Variants in ERC1 observed in about 807,000 individuals in gnomAD.
ERC1 encodes the protein ELKS/RAB6-interacting/CAST family member 1.
A neutral mutation model predicts 132.0 loss-of-function variants in ERC1; 56 were observed. The observed-to-expected ratio is 0.42, with a 90% CI of 0.34 to 0.53. The LOEUF is 0.53. ERC1 is among the 20% of genes least tolerant of loss of function. The probability of loss-of-function intolerance (pLI) is 0.03; values close to 1 mark genes in which losing one functional copy is unlikely to be tolerated. For synonymous variants in ERC1, 478 were observed against 476.1 expected (o/e 1.00, Z -0.05); for missense variants, 1,202 against 1,349.9 (o/e 0.89, Z 1.72).
chr12:1,425,925 G>A (rs918934882), intron 17 of ERC1, among the ~76,000 whole-genome samples: 3 of 152,136 alleles, frequency 2.0e-5, no homozygotes, highest in South Asian at 2.1e-4. Flanking sequence ...TGAAATGGAA[G>A]TGATGATAAC....
chr12:1,374,283 T>C (rs1232387128), intron 16 of ERC1, among the ~76,000 whole-genome samples: 4 of 152,202 alleles, frequency 2.6e-5, no homozygotes, highest in Admixed American at 2.0e-4. Context: ...CGTTCACATG[T>C]GATTCCTATT....
intron 13 of ERC1, among the ~76,000 whole-genome samples, chr12:1,247,475 A>G (rs1263526027): frequency 6.6e-6 from 1 of 152,212 alleles, no homozygotes; most frequent in African/African-American, 2.4e-5. Context: ...TTAATTCAGA[A>G]TAAAAGTTTT....
chr12:1,348,664 G>T (rs2084711439), intron 15 of ERC1, among the ~76,000 whole-genome samples: 2 of 151,184 alleles, frequency 1.3e-5, no homozygotes, highest in Non-Finnish European at 2.9e-5. Flanking sequence ...CTGCACTCCA[G>T]CCCAGGCAAC....
intron 2 of ERC1, among the ~76,000 whole-genome samples, chr12:1,039,401 G>A (rs949240972): frequency 6.6e-6 from 1 of 151,400 alleles, no homozygotes; most frequent in African/African-American, 2.4e-5. Flanking sequence ...ATGGTGGTAT[G>A]TGCCTGTAGC....
intron 13 of ERC1, among the ~76,000 whole-genome samples, chr12:1,247,632 T>C (rs1216240334): frequency 6.6e-6 from 1 of 152,240 alleles, no homozygotes; most frequent in African/African-American, 2.4e-5. Context: ...CAGGCATTTT[T>C]CCTGAATTTA....
Position 1,356,212 on chromosome 12 carries a change from AAGT to A in ERC1, c.2781-15620_2781-15618del, listed in dbSNP as rs1472849196. ...AAGTGAGACTGTCAAAAAAAAAAAA[AAGT>A]GTGTGTGTGTGTGTGTGTGTGTGTG... is the stretch of plus-strand genomic sequence containing the variant. On this transcript the variant is annotated intron_variant, in intron 15 of 18. Transcript: ENST00000360905. Among the ~76,000 whole-genome samples, 1,022 of 119,054 alleles carry A rather than the reference AAGT, an allele frequency of 8.6e-3. 16 individuals are homozygous for A. Among genetic ancestry groups the A allele is most frequent in the African/African-American group, 0.029 (882 of 30,174 alleles). 78.1% of individuals were successfully genotyped at this position (119,054 alleles called of 152,430 possible).
chr12:1,456,258 CA>C (rs1279019618), intron 18 of ERC1, among the ~76,000 whole-genome samples: 8 of 152,158 alleles, frequency 5.3e-5, no homozygotes. Flanking sequence ...ACCAACTGGC[CA>C]AAGTCAGATA....
chr12:1,346,948 C>CAAAAAAAAAAAAAAAAAAA (rs58842053), intron 15 of ERC1, among the ~76,000 whole-genome samples: 1 of 106,080 alleles, frequency 9.4e-6, no homozygotes, highest in African/African-American at 3.9e-5. Context: ...GACTCCGTCT[C>CAAAAAAAAAAAAAAAAAAA]AAAAAAAAAA....
rs2094338803 is a variant in ERC1 at position 1,493,584 on chromosome 12, G to A, written c.*3354G>A. On this transcript the variant is annotated 3_prime_UTR_variant, in exon 19 of 19. Coordinates refer to ENST00000360905, the MANE Select transcript of ERC1 (RefSeq NM_178040.4). ...ATATATATATATATATATATGGATG[G>A]GAATCACCAAATTCATCTCAGCTCT... 1.7e-5 allele frequency: 1 copy of A among 58,376 alleles called. No individual in the cohort carries two copies. The highest frequency in any genetic ancestry group is 3.5e-5 in the Non-Finnish European group (1 of 28,554). The allele number at this position is 58,376 out of a possible 1,614,324, so 3.6% of individuals were successfully genotyped here.
chr12:1,082,375 G>A (rs1181963842), intron 2 of ERC1, among the ~76,000 whole-genome samples: 1 of 151,516 alleles, frequency 6.6e-6, no homozygotes, highest in African/African-American at 2.4e-5. Flanking sequence ...TGGCCAGGCT[G>A]GTCTTGAACT....
chr12:1,317,696 C>A (rs2081861510), intron 15 of ERC1, among the ~76,000 whole-genome samples: 1 of 152,178 alleles, frequency 6.6e-6, no homozygotes, highest in South Asian at 2.1e-4. Flanking sequence ...CACTTTCACA[C>A]AACCAGAGCT....
intron 2 of ERC1, among the ~76,000 whole-genome samples, chr12:1,059,566 TG>T (rs1380265764): frequency 2.0e-5 from 3 of 152,206 alleles, no homozygotes; most frequent in African/African-American, 7.2e-5. Context: ...TTTTATCCAA[TG>T]TTTTTTTCTG....
Position 998,636 on chromosome 12 carries a change from C to T in ERC1, c.-157+7314C>T, listed in dbSNP as rs555516279. ...TATCACTTTTGTTGTATTCTGTTAT[C>T]AGCCAGTCACTAGGTCCAGTGCACT... On this transcript the variant is annotated intron_variant, in intron 1 of 18. Coordinates refer to ENST00000360905, the MANE Select transcript of ERC1 (RefSeq NM_178040.4). Among the ~76,000 whole-genome samples the T allele has an allele frequency of 2.0e-5, 3 of 152,284 alleles. No homozygotes were observed. The South Asian group carries it at 6.2e-4, about 32-fold the overall frequency.
At chr12:1,420,228 A>G (rs941755925) in intron 17 of ERC1, among the ~76,000 whole-genome samples, 2 of 152,168 alleles carry the variant, frequency 1.3e-5, no homozygotes, top group African/African-American at 4.8e-5. Flanking sequence ...AAGACTGAAT[A>G]TTTAGGCAAC....
Position 1,214,664 on chromosome 12 carries a change from A to G in ERC1, c.2352-22105A>G, listed in dbSNP as rs1464218122. On this transcript the variant is annotated intron_variant, in intron 12 of 18. Transcript: ENST00000360905. The stretch of plus-strand genomic sequence containing the variant: ...AACATAAATATGCGTGTGTGTATAC[A>G]TACACACACACACACACACACACAC... 7.9e-5 allele frequency among the ~76,000 whole-genome samples: 5 copies of G among 63,526 alleles called. No homozygotes were observed. In the East Asian group the frequency reaches 1.4e-3, roughly 17 times the overall value. 41.7% of individuals were successfully genotyped at this position (63,526 alleles called of 152,430 possible).
intron 3 of ERC1, among the ~76,000 whole-genome samples, chr12:1,103,989 GGTACTTGGAA>G (rs1453102655): frequency 5.0e-5 from 6 of 120,142 alleles, no homozygotes; most frequent in Non-Finnish European, 1.1e-4. Flanking sequence ...CTGTCCCCAG[GGTACTTGGAA>G]GTACTGACTG....
chr12:1,473,651 G>A (rs61914860), intron 18 of ERC1, among the ~76,000 whole-genome samples: 3 of 144,710 alleles, frequency 2.1e-5, no homozygotes, highest in African/African-American at 7.5e-5. Context: ...AAAAAAAAAG[G>A]ACAGGGAGGG....
At chr12:1,159,067 A>G (rs1258070730) in intron 8 of ERC1, among the ~76,000 whole-genome samples, 1 of 152,186 alleles carries the variant, frequency 6.6e-6, no homozygotes, top group Non-Finnish European at 1.5e-5. Flanking sequence ...CAATAAGAGG[A>G]AGTACATATG....
At chr12:1,406,207 T>C (rs1032220899) in intron 16 of ERC1, among the ~76,000 whole-genome samples, 1 of 152,222 alleles carries the variant, frequency 6.6e-6, no homozygotes, top group Non-Finnish European at 1.5e-5. Flanking sequence ...CAACAGCATT[T>C]ACATAGCTTG....
Sources: gnomAD v4.1 joint callset for allele counts (sites outside exome capture counted in the v4.1 genomes callset) on GRCh38, gnomAD v4.1.1 for gene constraint, MANE v1.5 for transcripts, NCBI Gene and HGNC (gene_info 2026-07-23, HGNC 2026-07-21) for gene names.